The following MCM9 variants were observed in gnomAD, a reference collection of about 807,000 sequenced individuals.
The protein encoded by MCM9 is minichromosome maintenance 9 homologous recombination repair factor, also known as DNA helicase MCM9.
In MCM9, 55 loss-of-function variants were observed where a neutral mutation model predicts 72.8. That is an observed-to-expected ratio of 0.76 (90% CI 0.61 to 0.95). MCM9 has a LOEUF of 0.95. Among genes scored for constraint, MCM9 ranks in the 40% least tolerant of loss-of-function variants. The probability of loss-of-function intolerance (pLI) is 0.00; values close to 1 mark genes in which losing one functional copy is unlikely to be tolerated. For synonymous variants in MCM9, 480 were observed against 503.4 expected (o/e 0.95, Z 0.62); for missense variants, 1,279 against 1,377.0 (o/e 0.93, Z 1.13).
chr6:118,858,235 A>G (rs1192894593), intron 8 of MCM9, among the ~76,000 whole-genome samples: 3 of 152,180 alleles, frequency 2.0e-5, no homozygotes, highest in Admixed American at 1.3e-4. Flanking sequence ...GTAATTCGCC[A>G]TATCAATAAG....
At chr6:118,894,327 G>A (rs1434701807) in intron 8 of MCM9, 3 of 1,525,974 alleles carry the variant, frequency 2.0e-6, no homozygotes, top group Non-Finnish European at 2.6e-6. Flanking sequence ...CTGGAGCGGG[G>A]GTCTGCGCTC....
intron 8 of MCM9, among the ~76,000 whole-genome samples, chr6:118,884,194 T>C (rs1351223239): frequency 2.0e-5 from 3 of 152,220 alleles, no homozygotes; most frequent in Non-Finnish European, 2.9e-5. Flanking sequence ...CCTTCTTTTC[T>C]GAGCTTCTTC....
At chr6:118,928,706 G>A (rs1782116338) in intron 3 of MCM9, among the ~76,000 whole-genome samples, 1 of 150,938 alleles carries the variant, frequency 6.6e-6, no homozygotes, top group African/African-American at 2.4e-5. Flanking sequence ...AATTTAAATA[G>A]CTGAGTGTGG....
intron 7 of MCM9, 95 bp from the exon 8 acceptor site, chr6:118,911,864 T>C: frequency 1.1e-6 from 1 of 886,834 alleles, no homozygotes; most frequent in Non-Finnish European, 1.7e-6. Context: ...ACTGTGTACT[T>C]TTACATAGGG....
At chr6:118,848,678 C>T (rs1294233569) in intron 9 of MCM9, among the ~76,000 whole-genome samples, 1 of 152,060 alleles carries the variant, frequency 6.6e-6, no homozygotes, top group African/African-American at 2.4e-5. Context: ...AATCCTAGCA[C>T]TTTGGGAGGC....
intron 8 of MCM9, among the ~76,000 whole-genome samples, chr6:118,878,202 A>G (rs1229703002): frequency 1.3e-5 from 2 of 152,158 alleles, no homozygotes; most frequent in Admixed American, 6.5e-5. Context: ...TTGTACAGCT[A>G]AACACAATAT....
At position 118,893,710 on chromosome 6, in the gene MCM9, T is replaced by A. The variant is rs375326498; in HGVS notation, c.1150+17940A>T. 2.0e-5 allele frequency among the ~76,000 whole-genome samples: 3 copies of A among 151,784 alleles called. 1 individual carries two copies. In the South Asian group the frequency reaches 6.2e-4, roughly 31 times the overall value. The stretch of plus-strand genomic sequence containing the variant: ...CCCTGCAGCCAATCTTTCTCTCTAC[T>A]CCAAATACTACCCGATACGCAGAAA... On this transcript the variant is annotated intron_variant, in intron 8 of 13. Transcript: ENST00000619706.
intron 8 of MCM9, among the ~76,000 whole-genome samples, chr6:118,873,093 G>A (rs892937196): frequency 6.6e-6 from 1 of 150,692 alleles, no homozygotes; most frequent in Admixed American, 6.7e-5. Flanking sequence ...GACCACTTGG[G>A]CCTGAGAGGT....
intron 6 of MCM9, among the ~76,000 whole-genome samples, chr6:118,916,365 C>A (rs1232195052): frequency 6.9e-6 from 1 of 145,602 alleles, no homozygotes; most frequent in East Asian, 2.0e-4. Context: ...TACACACACA[C>A]ACAAAAAAAA....
intron 9 of MCM9, among the ~76,000 whole-genome samples, chr6:118,836,176 C>G (rs1774943280): frequency 6.6e-6 from 1 of 152,146 alleles, no homozygotes. Context: ...GTTGAACCAG[C>G]CTTGCATCCC....
At chr6:118,913,126 T>C in intron 7 of MCM9, 169 bp downstream of exon 7, 1 of 691,672 alleles carries the variant, frequency 1.4e-6, no homozygotes, top group South Asian at 2.4e-5. Flanking sequence ...AGAAAGTAGC[T>C]TCTGATATAC....
chr6:118,826,232 C>T lies in MCM9; in HGVS notation c.1876G>A (p.Glu626Lys), dbSNP rs1243502954. 6.4e-7 allele frequency: 1 copy of T among 1,550,524 alleles called. No homozygotes were observed. The highest frequency in any genetic ancestry group is 1.4e-5 in the African/African-American group (1 of 73,170). Residue 626 changes from glutamate (E) to lysine (K), a missense_variant, in exon 13 of 14, where the codon GAG becomes AAG. By Grantham distance (56) the Glu-to-Lys change is moderately conservative. Transcript: ENST00000619706. ...LHTSFPENPGEQYQRQCELIL... is the reference protein window; with the variant it reads ...LHTSFPENPGKQYQRQCELIL... ...AGTTCACACTGTCTCTGGTACTGCTCTCCAGGGTTTTCAGGAAAGGAAGTG... is the reference window on the plus strand; with the variant it reads ...AGTTCACACTGTCTCTGGTACTGCTTTCCAGGGTTTTCAGGAAAGGAAGTG...
In MCM9 at chr6:118,863,205, A is replaced by G. The variant is rs898750219; in HGVS notation, c.1151-6660T>C. Among the ~76,000 whole-genome samples the G allele has an allele frequency of 5.3e-5, 8 of 152,198 alleles. No homozygotes were observed. The East Asian group carries it at 5.8e-4, about 11-fold the overall frequency. Reference sequence around the variant, plus strand: ...TATACATGTTTAATTATGCTTATGTATAAGTGAAATGAATGAGATGAAAGA... The same window carrying G: ...TATACATGTTTAATTATGCTTATGTGTAAGTGAAATGAATGAGATGAAAGA... On this transcript the variant is annotated intron_variant, in intron 8 of 13. Transcript: ENST00000619706.
chr6:118,875,658 A>AAAT (rs369537070), intron 8 of MCM9, among the ~76,000 whole-genome samples: 127 of 149,454 alleles, frequency 8.5e-4, no homozygotes, highest in African/African-American at 5.1e-4. Context: ...ATAATAATTA[A>AAAT]AATAATAATA....
intron 3 of MCM9, among the ~76,000 whole-genome samples, chr6:118,926,166 A>T (rs528025952): frequency 1.3e-5 from 2 of 152,284 alleles, no homozygotes; most frequent in South Asian, 4.1e-4. Context: ...TGGAAATTTC[A>T]CACGTAGATG....
At chr6:118,871,968 C>T (rs954271202) in intron 8 of MCM9, among the ~76,000 whole-genome samples, 3 of 151,962 alleles carry the variant, frequency 2.0e-5, no homozygotes, top group Non-Finnish European at 4.4e-5. Flanking sequence ...CTTAACAAAT[C>T]TTAAAGGATG....
chr6:118,837,538 G>C (rs2114597191), intron 9 of MCM9, among the ~76,000 whole-genome samples: 1 of 152,280 alleles, frequency 6.6e-6, no homozygotes, highest in East Asian at 1.9e-4. Flanking sequence ...CTTGCTTTAT[G>C]AATCTGGGTG....
At chr6:118,870,591 A>G (rs905436650) in intron 8 of MCM9, among the ~76,000 whole-genome samples, 1 of 152,176 alleles carries the variant, frequency 6.6e-6, no homozygotes, top group African/African-American at 2.4e-5. Context: ...AAAAAGAATA[A>G]TAACCCGAGC....
intron 8 of MCM9, among the ~76,000 whole-genome samples, chr6:118,875,568 C>T (rs1777880552): frequency 6.6e-6 from 1 of 151,528 alleles, no homozygotes. Flanking sequence ...CCCAGGAGGT[C>T]AAGGCTGCAG....
Sources: gnomAD v4.1 joint callset for allele counts (sites outside exome capture counted in the v4.1 genomes callset) on GRCh38, gnomAD v4.1.1 for gene constraint, MANE v1.5 for transcripts, NCBI Gene and HGNC (gene_info 2026-07-23, HGNC 2026-07-21) for gene names.